Variants in CTSG observed in about 807,000 individuals in gnomAD.
CTSG encodes cathepsin G.
Under a neutral mutation model 23.0 loss-of-function variants are expected in CTSG, and 23 were observed. The ratio of observed to expected loss-of-function variants is 1.00; its 90% CI spans 0.72 to 1.42. The LOEUF (loss-of-function observed/expected upper bound fraction) is 1.42, where lower values mean the gene tolerates loss of function less well. CTSG is among the 40% of genes most tolerant of loss of function. The probability of loss-of-function intolerance (pLI) is 0.00; values close to 1 mark genes in which losing one functional copy is unlikely to be tolerated. For missense variants in CTSG, 312 were observed against 326.2 expected, an observed-to-expected ratio of 0.96 and a Z score of 0.33; for synonymous variants, 140 against 130.4, an observed-to-expected ratio of 1.07 and a Z score of -0.50.
rs1468804704 is a variant in CTSG, at chr14:24,574,719, G to A, written c.295C>T (p.Gln99Ter). Residue 99 changes from glutamine to a stop codon, truncating the protein, a stop_gained, in exon 3 of 5, where the codon CAA becomes TAA. Coordinates refer to ENST00000216336, the MANE Select transcript of CTSG (RefSeq NM_001911.3). LOFTEE classifies it high-confidence loss of function. The part of the protein sequence containing the change: ...ITARRAIRHP[Q>*]YNQRTIQNDI... The stretch of plus-strand genomic sequence containing the variant: ...TTCTGGATGGTCCGCTGATTATATT[G>A]AGGGTGGCGGATGGCTCTGCGCGCA... 3 of 1,614,082 alleles carry A rather than the reference G, an allele frequency of 1.9e-6. No homozygotes were observed. In the African/African-American group the frequency reaches 4.0e-5, roughly 22 times the overall value.
At chr14:24,574,643 A>C (rs2066732406) in intron 3 of CTSG, 32 bp downstream of exon 3, 1 of 1,613,882 alleles carries the variant, frequency 6.2e-7, no homozygotes, top group Non-Finnish European at 8.5e-7. Context: ...CGGACACACT[A>C]GGAAGGAGCC....
rs754069657 is a variant in CTSG, at chr14:24,574,770, G to T, written c.244C>A (p.Arg82=). ...GTGATGTGTTGCTGGGTGTTTTCCC[G>T]TCTCTGGATATTGTGGGCGCCCAGG... is the stretch of plus-strand genomic sequence containing the variant. The part of the protein sequence containing the change: ...VTLGAHNIQR[R]ENTQQHITAR... Residue 82 remains arginine (R), a synonymous_variant, in exon 3 of 5, where the codon CGG becomes AGG. Transcript: ENST00000216336. The T allele has an allele frequency of 1.9e-6, 3 of 1,614,120 alleles. No individual in the cohort carries two copies. The highest frequency in any genetic ancestry group is 1.1e-5 in the South Asian group (1 of 91,076).
chr14:24,575,909 C>T (rs1169800224), intron 1 of CTSG, among the ~76,000 whole-genome samples: 2 of 152,220 alleles, frequency 1.3e-5, no homozygotes, highest in Admixed American at 1.3e-4. Flanking sequence ...CTGACACATG[C>T]TGCCAAATTA....
At position 24,573,554 on chromosome 14, in the gene CTSG, T is replaced by C. The variant is rs1468455105; in HGVS notation, c.*83A>G. On this transcript the variant is annotated 3_prime_UTR_variant, in exon 5 of 5. Transcript: ENST00000216336. ...TGACGTTTAATGAACAAATGAGGAA[T>C]TGGTTATTTATACTCTGTGGACGTT... 6 of 1,317,582 alleles carry C rather than the reference T, an allele frequency of 4.6e-6. No homozygotes were observed. The highest frequency in any genetic ancestry group is 6.3e-6 in the Non-Finnish European group (6 of 956,744). The allele number at this position is 1,317,582 out of a possible 1,614,324, so 81.6% of individuals were successfully genotyped here.
intron 4 of CTSG, 137 bp downstream of exon 4, chr14:24,574,108 T>C (rs2138449779): frequency 9.0e-7 from 1 of 1,110,936 alleles, no homozygotes; most frequent in Non-Finnish European, 1.3e-6. Flanking sequence ...AGAGACCAGG[T>C]TGATGGGGAA....
chr14:24,575,525 G>A (rs1437471026), intron 1 of CTSG, 113 bp from the exon 2 acceptor site: 9 of 1,105,610 alleles, frequency 8.1e-6, no homozygotes, highest in African/African-American at 1.5e-5. Flanking sequence ...AGAGGGTGCA[G>A]GAGAGGGAGG....
intron 2 of CTSG, 146 bp downstream of exon 2, chr14:24,575,119 A>T (rs1359484802): frequency 8.1e-6 from 7 of 866,440 alleles, no homozygotes; most frequent in African/African-American, 1.7e-5. Context: ...CTCCTCATTT[A>T]CACTGGCCTG....
intron 1 of CTSG, 34 bp downstream of exon 1, chr14:24,576,135 G>A (rs528802049): frequency 1.9e-6 from 3 of 1,593,258 alleles, no homozygotes; most frequent in Non-Finnish European, 2.6e-6. Flanking sequence ...TATGGGATGA[G>A]GTCAGGCCTC....
chr14:24,575,299 C>T lies in CTSG; in HGVS notation c.169G>A (p.Asp57Asn), dbSNP rs749550003. ...SRCGGFLVRE[D>N]FVLTAAHCWG... The stretch of plus-strand genomic sequence containing the variant: ...CAATGAGCTGCTGTCAGCACAAAGT[C>T]TTCTCGCACCAGGAACCCTCCACAT... The change falls in exon 2 of 5, where the codon GAC becomes AAC. Residue 57 changes from aspartate (D) to asparagine (N), a missense_variant. Coordinates refer to ENST00000216336, the MANE Select transcript of CTSG (RefSeq NM_001911.3). The T allele has an allele frequency of 3.7e-6, 6 of 1,614,178 alleles. No homozygotes were observed. In the East Asian group the frequency reaches 1.3e-4, roughly 36 times the overall value.
intron 3 of CTSG, 88 bp from the exon 4 acceptor site, chr14:24,574,587 C>T: frequency 2.5e-6 from 4 of 1,610,622 alleles, no homozygotes; most frequent in Non-Finnish European, 3.4e-6. Flanking sequence ...CCCATGCCCT[C>T]CCCGCCACCC....
intron 4 of CTSG, 130 bp downstream of exon 4, chr14:24,574,115 G>A (rs1305050355): frequency 7.4e-6 from 9 of 1,219,910 alleles, no homozygotes; most frequent in African/African-American, 1.5e-5. Context: ...AGGTTGATGG[G>A]GAAAACAATC....
intron 2 of CTSG, 148 bp from the exon 3 acceptor site, chr14:24,574,958 C>T: frequency 9.7e-7 from 1 of 1,033,332 alleles, no homozygotes; most frequent in Non-Finnish European, 1.4e-6. Flanking sequence ...TCCTCTTTCT[C>T]AGCAGCTCTG....
intron 4 of CTSG, among the ~76,000 whole-genome samples, 188 bp downstream of exon 4, chr14:24,574,057 G>A (rs1159952622): frequency 6.6e-6 from 1 of 152,170 alleles, no homozygotes; most frequent in Non-Finnish European, 1.5e-5. Flanking sequence ...CCAGGAGAAT[G>A]TTGCCTATGT....
chr14:24,574,512 T>A lies in CTSG; in HGVS notation c.340-13A>T. 1 of 1,613,628 alleles carries A rather than the reference T, an allele frequency of 6.2e-7. No homozygotes were observed. The highest frequency in any genetic ancestry group is 1.3e-5 in the African/African-American group (1 of 74,966). On this transcript the variant is annotated splice_polypyrimidine_tract_variant and intron_variant, in intron 3 of 4. Transcript: ENST00000216336. ...CTCTTCTGCTCAGCTGGAGGAAGAATGTAGGCGTTCCCGCTCAGCTGGGGC... is the reference window on the plus strand; with the variant it reads ...CTCTTCTGCTCAGCTGGAGGAAGAAAGTAGGCGTTCCCGCTCAGCTGGGGC...
rs751728596 is a variant in CTSG, at chr14:24,573,719, G to A, written c.686C>T (p.Thr229Ile). 3.1e-6 allele frequency: 5 copies of A among 1,613,986 alleles called. No homozygotes were observed. The highest frequency in any genetic ancestry group is 2.7e-5 in the African/African-American group (2 of 74,894). Residue 229 changes from threonine (T) to isoleucine (I), a missense_variant, in exon 5 of 5, where the codon ACC becomes ATC. By Grantham distance (89) the Thr-to-Ile change is moderately conservative. Transcript: ENST00000216336. ...KSSGVPPEVF[T>I]RVSSFLPWIR... Reference sequence around the variant, plus strand: ...CCAGGGCAGGAAACTTGAGACCCTGGTGAAGACTTCTGGAGGAACCCCTGA... The same window carrying A: ...CCAGGGCAGGAAACTTGAGACCCTGATGAAGACTTCTGGAGGAACCCCTGA...
At chr14:24,575,922 T>C (rs1349864130) in intron 1 of CTSG, among the ~76,000 whole-genome samples, 1 of 152,190 alleles carries the variant, frequency 6.6e-6, no homozygotes, top group African/African-American at 2.4e-5. Flanking sequence ...CCAAATTATT[T>C]ACACAAAGCA....
rs2066725306 is a variant in CTSG at position 24,573,588 on chromosome 14, C to T, written c.*49G>A. On this transcript the variant is annotated 3_prime_UTR_variant, in exon 5 of 5. Transcript: ENST00000216336. ...TATACTCTGTGGACGTTTATTAAGG[C>T]TCTGGCAACACTGTGGAGCTGGCCT... 1 of 1,549,980 alleles carries T rather than the reference C, an allele frequency of 6.5e-7. No individual in the cohort carries two copies. The highest frequency in any genetic ancestry group is 1.9e-5 in the Admixed American group (1 of 52,232).
intron 2 of CTSG, 115 bp from the exon 3 acceptor site, chr14:24,574,925 G>C: frequency 7.4e-7 from 1 of 1,359,454 alleles, no homozygotes; most frequent in South Asian, 1.3e-5. Context: ...GAGGGGATGG[G>C]AGGGCCCTGG....
In CTSG at chr14:24,575,402, G is replaced by T. The variant is rs1419309919; in HGVS notation, c.66C>A (p.Ile22=). The change falls in exon 2 of 5, where the codon ATC becomes ATA. Residue 22 remains isoleucine, a synonymous_variant. Coordinates refer to ENST00000216336, the MANE Select transcript of CTSG (RefSeq NM_001911.3). ...AGTGGGGCCTGCTCTCCCGGCCTCC[G>T]ATGATCTCCCCTGGAAGGAAGCATT... The part of the protein sequence containing the change: ...LPTGAEAGEI[I]GGRESRPHSR... The T allele has an allele frequency of 6.2e-7, 1 of 1,614,162 alleles. No homozygotes were observed. The highest frequency in any genetic ancestry group is 1.7e-5 in the Admixed American group (1 of 60,028).
Sources: allele counts gnomAD v4.1 joint callset (sites outside exome capture counted in the v4.1 genomes callset), GRCh38; gene constraint gnomAD v4.1.1; transcripts MANE v1.5; gene names NCBI Gene and HGNC (gene_info 2026-07-23, HGNC 2026-07-21).